FARP1: variants seen among roughly 807,000 people sequenced by gnomAD.
FARP1 encodes FERM, ARHGEF and pleckstrin domain-containing protein 1.
A neutral mutation model predicts 128.8 loss-of-function variants in FARP1; 52 were observed. The observed-to-expected ratio is 0.40, with a 90% CI of 0.32 to 0.51. FARP1 has a LOEUF of 0.51. Ranked by LOEUF, FARP1 falls within the 20% of genes least tolerant of loss-of-function variation. The pLI, the probability that FARP1 is intolerant of heterozygous loss-of-function variation, is 0.45. For missense variants in FARP1, 1,333 were observed against 1,367.9 expected, an observed-to-expected ratio of 0.97 and a Z score of 0.40; for synonymous variants, 580 against 551.8, an observed-to-expected ratio of 1.05 and a Z score of -0.72.
At chr13:98,373,265 A>G (rs1403301251) in intron 5 of FARP1, among the ~76,000 whole-genome samples, 1 of 152,216 alleles carries the variant, frequency 6.6e-6, no homozygotes, top group Non-Finnish European at 1.5e-5. Flanking sequence ...TTGTGAACAC[A>G]GAAACTCATG....
At chr13:98,244,923 A>G (rs1212777163) in intron 2 of FARP1, 3 of 1,378,398 alleles carry the variant, frequency 2.2e-6, no homozygotes, top group Non-Finnish European at 2.8e-6. Flanking sequence ...GCTTGGTTTG[A>G]TCTACTAGAT....
At chr13:98,329,223 CAT>C (rs1360741602) in intron 2 of FARP1, 1 of 152,232 alleles carries the variant, frequency 6.6e-6, no homozygotes, top group Non-Finnish European at 1.5e-5. Context: ...TAGAAGTTAA[CAT>C]GTTTCCCTAT....
At position 98,412,066 on chromosome 13, in the gene FARP1, C is replaced by T. The variant is rs544193191; in HGVS notation, c.1826+32C>T. 3.9e-5 allele frequency: 63 copies of T among 1,604,544 alleles called. 1 individual carries two copies. In the South Asian group the frequency reaches 6.9e-4, roughly 18 times the overall value. On this transcript the variant is annotated intron_variant, in intron 16 of 26. Transcript: ENST00000319562. ...ACATTTCTACTTCCCAGCTACGTTC[C>T]TCCCTCCGTCTTGCTTGTGTTATTT...
At chr13:98,385,900 C>A in intron 8 of FARP1, 86 bp downstream of exon 8, 2 of 1,390,954 alleles carry the variant, frequency 1.4e-6, no homozygotes, top group Non-Finnish European at 2.0e-6. Context: ...ATTCAGTGGG[C>A]TAAGACCTCT....
At chr13:98,302,484 A>C (rs1435058655) in intron 2 of FARP1, among the ~76,000 whole-genome samples, 2 of 151,994 alleles carry the variant, frequency 1.3e-5, no homozygotes, top group African/African-American at 2.4e-5. Flanking sequence ...GCTTTGCCAC[A>C]CTTCACCCTT....
At chr13:98,277,109 TACACACACACACACACAC>T (rs368911842) in intron 2 of FARP1, among the ~76,000 whole-genome samples, 1 of 118,142 alleles carries the variant, frequency 8.5e-6, no homozygotes, top group African/African-American at 3.1e-5. Context: ...TCTAGAAAAA[TACACACACACACACACAC>T]ACACACACAC....
At chr13:98,394,581 C>T (rs1890441477) in intron 12 of FARP1, among the ~76,000 whole-genome samples, 1 of 152,148 alleles carries the variant, frequency 6.6e-6, no homozygotes, top group Non-Finnish European at 1.5e-5. Context: ...GCGGGAGGAT[C>T]ACTTGGCCCC....
At chr13:98,438,725 C>T (rs1892397959) in intron 19 of FARP1, 79 bp from the exon 20 acceptor site, 1 of 1,165,610 alleles carries the variant, frequency 8.6e-7, no homozygotes, top group Admixed American at 1.7e-5. Context: ...CAAATTTAGC[C>T]CTCGGGGTCT....
intron 16 of FARP1, among the ~76,000 whole-genome samples, chr13:98,417,922 C>G (rs16955500): frequency 0.18 from 26,783 of 152,212 alleles, 2,549 homozygotes; most frequent in Middle Eastern, 0.27. Context: ...TGCTAGGTAT[C>G]ATTAAAAGAA....
chr13:98,390,683 C>A, intron 10 of FARP1, 129 bp from the exon 11 acceptor site: 1 of 686,770 alleles, frequency 1.5e-6, no homozygotes. Context: ...TTAGTCCTGG[C>A]TAGCCAAGCA....
In FARP1 at chr13:98,379,450, T is replaced by G. The variant is rs376226718; in HGVS notation, c.496+1532T>G. ...GGCTTTGAGTCTGGCAGACCTGATT[T>G]CTGTTCGTTGGTTGGTGACCCTGGC... On this transcript the variant is annotated intron_variant, in intron 6 of 26. Coordinates refer to ENST00000319562, the MANE Select transcript of FARP1 (RefSeq NM_005766.4). Among the ~76,000 whole-genome samples the G allele has an allele frequency of 2.8e-4, 42 of 151,658 alleles. 1 individual carries two copies. The highest frequency in any genetic ancestry group is 9.2e-4 in the African/African-American group (38 of 41,346).
intron 2 of FARP1, among the ~76,000 whole-genome samples, chr13:98,304,668 G>A (rs1365836680): frequency 2.0e-5 from 3 of 152,190 alleles, no homozygotes; most frequent in Non-Finnish European, 4.4e-5. Flanking sequence ...TATCACCTTC[G>A]CAGACCAAAC....
intron 8 of FARP1, among the ~76,000 whole-genome samples, chr13:98,387,779 T>A (rs1890153825): frequency 6.6e-6 from 1 of 152,200 alleles, no homozygotes; most frequent in Non-Finnish European, 1.5e-5. Flanking sequence ...CTACCGGTGC[T>A]GTTGGAAGCT....
intron 1 of FARP1, among the ~76,000 whole-genome samples, chr13:98,160,077 C>T (rs1240939854): frequency 6.6e-6 from 1 of 152,198 alleles, no homozygotes; most frequent in Non-Finnish European, 1.5e-5. Context: ...GTTGTTGGTA[C>T]CAGAGGTTGC....
intron 1 of FARP1, among the ~76,000 whole-genome samples, chr13:98,186,590 C>T (rs1020009369): frequency 3.3e-5 from 5 of 152,156 alleles, no homozygotes; most frequent in Admixed American, 1.3e-4. Flanking sequence ...TTGTAGCATG[C>T]GTCAGAATTT....
At position 98,449,961 on chromosome 13, in the gene FARP1, G is replaced by GCATCA. The variant is rs2139205978; in HGVS notation, c.*1644_*1645insCATCA. On this transcript the variant is annotated 3_prime_UTR_variant, in exon 27 of 27. Coordinates refer to ENST00000319562, the MANE Select transcript of FARP1 (RefSeq NM_005766.4). ...AGCTCCGGGCCACACAGCAGCATCA[G>GCATCA]GCTCCCTCCAGAAGTCACCACTCAC... The GCATCA allele has an allele frequency of 6.6e-6, 1 of 152,350 alleles. No individual in the cohort carries two copies. The allele number at this position is 152,350 out of a possible 1,614,324, so 9.4% of individuals were successfully genotyped here. A position where few individuals can be genotyped will look rare whatever the true frequency, so the allele number is the denominator to read the frequency against.
intron 2 of FARP1, among the ~76,000 whole-genome samples, chr13:98,239,595 T>A (rs1423687483): frequency 1.3e-5 from 2 of 152,134 alleles, no homozygotes; most frequent in African/African-American, 4.8e-5. Context: ...AGGTCCGGAT[T>A]AGGCAGTGCT....
chr13:98,324,120 C>T (rs587056), intron 2 of FARP1, among the ~76,000 whole-genome samples: 38,231 of 152,072 alleles, frequency 0.25, 5,120 homozygotes, highest in Middle Eastern at 0.33. Flanking sequence ...TTATTTCATG[C>T]GTACATTGAA....
At position 98,439,169 on chromosome 13, in the gene FARP1, C is replaced by T. The variant is rs532699999; in HGVS notation, c.2406C>T (p.His802=). 47 of 1,613,438 alleles carry T rather than the reference C, an allele frequency of 2.9e-5. No homozygotes were observed. Among genetic ancestry groups the T allele is most frequent in the Admixed American group, 1.7e-4 (10 of 59,974 alleles). The change falls in exon 21 of 27, where the codon CAC becomes CAT. Residue 802 remains histidine, a synonymous_variant. Transcript: ENST00000319562. ...GLTASNQFKV[H]GQLPLYGMTI... is the part of the protein sequence containing the mutation. The stretch of plus-strand genomic sequence containing the variant: ...CGGCCTCCAATCAGTTTAAAGTCCA[C>T]GGGCAGCTCCCGCTCTATGGCATGA...
Sources: gnomAD v4.1 joint callset for allele counts (sites outside exome capture counted in the v4.1 genomes callset) on GRCh38, gnomAD v4.1.1 for gene constraint, MANE v1.5 for transcripts, NCBI Gene and HGNC (gene_info 2026-07-23, HGNC 2026-07-21) for gene names.